The following FNDC3B variants were observed in gnomAD, a reference collection of about 807,000 sequenced individuals.
FNDC3B encodes fibronectin type III domain containing 3B.
In FNDC3B, 12 loss-of-function variants were observed where a neutral mutation model predicts 151.5. The observed-to-expected ratio is 0.08, with a 90% CI of 0.05 to 0.13. The LOEUF (loss-of-function observed/expected upper bound fraction) is 0.13. Among genes scored for constraint, FNDC3B ranks in the 10% least tolerant of loss-of-function variants. The pLI is 1.00. For synonymous variants in FNDC3B, 528 were observed against 549.0 expected, an observed-to-expected ratio of 0.96 and a Z score of 0.54; for missense variants, 1,214 against 1,505.3, an observed-to-expected ratio of 0.81 and a Z score of 3.20.
At chr3:172,110,082 G>T (rs888039048) in intron 1 of FNDC3B, among the ~76,000 whole-genome samples, 5 of 152,128 alleles carry the variant, frequency 3.3e-5, no homozygotes, top group African/African-American at 1.2e-4. Flanking sequence ...GGGTTGGATT[G>T]CTATGTCTCA....
chr3:172,186,220 T>C (rs1724172551), intron 3 of FNDC3B, among the ~76,000 whole-genome samples: 1 of 152,212 alleles, frequency 6.6e-6, no homozygotes, highest in South Asian at 2.1e-4. Context: ...ATAGTTTCTT[T>C]ACTATATGGA....
At chr3:172,089,630 A>G (rs751629208) in intron 1 of FNDC3B, among the ~76,000 whole-genome samples, 2 of 152,220 alleles carry the variant, frequency 1.3e-5, no homozygotes, top group African/African-American at 4.8e-5. Flanking sequence ...AATTTCAGTC[A>G]TAGCACTATC....
At chr3:172,240,604 G>C (rs963878895) in intron 4 of FNDC3B, among the ~76,000 whole-genome samples, 1 of 152,134 alleles carries the variant, frequency 6.6e-6, no homozygotes, top group African/African-American at 2.4e-5. Context: ...GTACACACCA[G>C]TATGAAAAAT....
intron 4 of FNDC3B, among the ~76,000 whole-genome samples, chr3:172,232,945 T>TA (rs1726962768): frequency 6.6e-6 from 1 of 152,210 alleles, no homozygotes; most frequent in African/African-American, 2.4e-5. Context: ...AAAAGACTGT[T>TA]ACAACAGTTC....
At chr3:172,120,784 G>T (rs1190533232) in intron 2 of FNDC3B, among the ~76,000 whole-genome samples, 1 of 152,068 alleles carries the variant, frequency 6.6e-6, no homozygotes, top group African/African-American at 2.4e-5. Flanking sequence ...AGACCAGCCT[G>T]ACCAACACGG....
intron 3 of FNDC3B, among the ~76,000 whole-genome samples, chr3:172,156,851 CT>C (rs1258847633): frequency 6.6e-6 from 1 of 151,776 alleles, no homozygotes; most frequent in Middle Eastern, 3.2e-3. Context: ...TTTTTTTAAC[CT>C]TTTGAGGTGT....
At chr3:172,299,393 A>T (rs1370010928) in intron 9 of FNDC3B, among the ~76,000 whole-genome samples, 1 of 152,234 alleles carries the variant, frequency 6.6e-6, no homozygotes, top group Non-Finnish European at 1.5e-5. Context: ...TTTTAGGAAG[A>T]AACCCAGCCA....
chr3:172,355,488 A>G (rs893716059), intron 22 of FNDC3B, among the ~76,000 whole-genome samples: 6 of 150,224 alleles, frequency 4.0e-5, no homozygotes, highest in African/African-American at 1.5e-4. Flanking sequence ...ATCAGGCTCC[A>G]CCCCAAACCT....
intron 1 of FNDC3B, among the ~76,000 whole-genome samples, chr3:172,048,273 A>G (rs1716463806): frequency 6.6e-6 from 1 of 152,186 alleles, no homozygotes; most frequent in Non-Finnish European, 1.5e-5. Context: ...TTAGTATTTT[A>G]AAGGTTTTAA....
chr3:172,085,648 C>A (rs778816825), intron 1 of FNDC3B, among the ~76,000 whole-genome samples: 2 of 152,174 alleles, frequency 1.3e-5, no homozygotes, highest in Non-Finnish European at 2.9e-5. Context: ...CTTGGAGCCC[C>A]TTGATGTGTT....
chr3:172,210,359 CCTTTTTT>C (rs1406067643), intron 3 of FNDC3B, among the ~76,000 whole-genome samples: 1 of 151,892 alleles, frequency 6.6e-6, no homozygotes, highest in Non-Finnish European at 1.5e-5. Context: ...TTTTTGTTTT[CCTTTTTT>C]CTTTTGAAAT....
intron 23 of FNDC3B, among the ~76,000 whole-genome samples, chr3:172,365,756 G>A (rs551152895): frequency 7.2e-4 from 110 of 152,304 alleles, no homozygotes; most frequent in African/African-American, 2.6e-3. Context: ...GCTGATGTCT[G>A]AGTTTTATGG....
intron 1 of FNDC3B, among the ~76,000 whole-genome samples, chr3:172,077,152 TA>T (rs891921770): frequency 2.0e-5 from 3 of 151,342 alleles, no homozygotes; most frequent in African/African-American, 4.8e-5. Flanking sequence ...ATAAATTGGT[TA>T]AAAAAAATAA....
chr3:172,142,568 T>C (rs1281871349), intron 3 of FNDC3B, among the ~76,000 whole-genome samples: 4 of 152,246 alleles, frequency 2.6e-5, no homozygotes, highest in African/African-American at 9.6e-5. Context: ...TTATTCTTTC[T>C]GTATTTTTTA....
chr3:172,254,611 C>T (rs184715418), intron 6 of FNDC3B, among the ~76,000 whole-genome samples: 1 of 152,270 alleles, frequency 6.6e-6, no homozygotes, highest in Admixed American at 6.5e-5. Context: ...TTTTTGAACA[C>T]ACAAAGCTAT....
intron 3 of FNDC3B, among the ~76,000 whole-genome samples, chr3:172,175,219 C>G (rs958248623): frequency 1.1e-4 from 17 of 152,174 alleles, no homozygotes; most frequent in African/African-American, 3.9e-4. Context: ...CTACAGAGAG[C>G]TAATGTCTGC....
chr3:172,256,934 CTT>C (rs768887626), intron 6 of FNDC3B, among the ~76,000 whole-genome samples: 3 of 144,402 alleles, frequency 2.1e-5, no homozygotes, highest in Admixed American at 6.9e-5. Context: ...AATTTCCAAA[CTT>C]TTTTTTTTTT....
chr3:172,210,242 G>A (rs936826887), intron 3 of FNDC3B, among the ~76,000 whole-genome samples: 1 of 152,214 alleles, frequency 6.6e-6, no homozygotes, highest in African/African-American at 2.4e-5. Flanking sequence ...TGGCATCTTT[G>A]CAGTGGCTGC....
At chr3:172,070,746 T>C (rs1717735807) in intron 1 of FNDC3B, among the ~76,000 whole-genome samples, 1 of 152,228 alleles carries the variant, frequency 6.6e-6, no homozygotes, top group African/African-American at 2.4e-5. Context: ...CCTGGACTTA[T>C]TACCCAGCCT....
Sources: allele counts gnomAD v4.1 joint callset (sites outside exome capture counted in the v4.1 genomes callset), GRCh38; gene constraint gnomAD v4.1.1; transcripts MANE v1.5; gene names NCBI Gene and HGNC (gene_info 2026-07-23, HGNC 2026-07-21).